The following FMN1 variants were observed in gnomAD, a reference collection of about 807,000 sequenced individuals.
FMN1 encodes formin-1.
A neutral mutation model predicts 132.4 loss-of-function variants in FMN1; 110 were observed. The ratio of observed to expected loss-of-function variants is 0.83; its 90% CI spans 0.71 to 0.97. The LOEUF (loss-of-function observed/expected upper bound fraction) is 0.97. FMN1 is among the 50% of genes least tolerant of loss of function. FMN1 has a pLI of 0.00. For synonymous variants in FMN1, 722 were observed against 651.7 expected, an observed-to-expected ratio of 1.11 and a Z score of -1.64; for missense variants, 1,792 against 1,705.3, an observed-to-expected ratio of 1.05 and a Z score of -0.90.
At chr15:33,064,691 C>G (rs1329198541) in intron 6 of FMN1, 1 of 254,130 alleles carries the variant, frequency 3.9e-6, no homozygotes, top group Admixed American at 5.5e-5. Context: ...TGCAATCTAC[C>G]TTCTCCATCA....
chr15:33,159,136 T>C (rs1232134696), intron 3 of FMN1, among the ~76,000 whole-genome samples: 1 of 152,202 alleles, frequency 6.6e-6, no homozygotes, highest in Non-Finnish European at 1.5e-5. Flanking sequence ...GAGCCGAGAT[T>C]GTGCCACTGC....
At chr15:32,781,414 A>G (rs727945) in intron 19 of FMN1, among the ~76,000 whole-genome samples, 22,493 of 152,220 alleles carry the variant, frequency 0.15, 1,761 homozygotes, top group Middle Eastern at 0.21. Flanking sequence ...GTTAGTTACA[A>G]TGAATTCAAC....
chr15:32,894,095 T>G (rs970892366), intron 15 of FMN1, among the ~76,000 whole-genome samples: 9 of 152,208 alleles, frequency 5.9e-5, no homozygotes, highest in African/African-American at 1.4e-4. Flanking sequence ...TCCTCATATC[T>G]AGTTCTTTAC....
At chr15:32,984,343 C>T (rs2032914633) in intron 7 of FMN1, among the ~76,000 whole-genome samples, 2 of 152,250 alleles carry the variant, frequency 1.3e-5, no homozygotes, top group East Asian at 3.9e-4. Context: ...AACAGATAGT[C>T]TGTCCCACAG....
chr15:33,091,203 G>C (rs901156909), intron 4 of FMN1, among the ~76,000 whole-genome samples: 3 of 152,200 alleles, frequency 2.0e-5, no homozygotes, highest in South Asian at 2.1e-4. Flanking sequence ...TGTCTGGTGA[G>C]TGTAAGTTCA....
chr15:32,925,861 G>A (rs2060946348), intron 10 of FMN1, among the ~76,000 whole-genome samples: 1 of 152,146 alleles, frequency 6.6e-6, no homozygotes, highest in Admixed American at 6.5e-5. Context: ...AGGAGTTTGA[G>A]ACCAGCCTGG....
intron 6 of FMN1, among the ~76,000 whole-genome samples, chr15:33,056,452 GA>G (rs1368524677): frequency 6.6e-6 from 1 of 152,222 alleles, no homozygotes; most frequent in African/African-American, 2.4e-5. Flanking sequence ...GTGAGGTACA[GA>G]AACAGCCAGA....
intron 9 of FMN1, among the ~76,000 whole-genome samples, chr15:32,943,595 A>C (rs1251193215): frequency 6.6e-6 from 1 of 152,186 alleles, no homozygotes; most frequent in Non-Finnish European, 1.5e-5. Flanking sequence ...AGTGGGTTGG[A>C]AGACACGTAG....
intron 16 of FMN1, among the ~76,000 whole-genome samples, chr15:32,866,983 C>G (rs920981512): frequency 1.6e-4 from 24 of 152,198 alleles, no homozygotes; most frequent in Non-Finnish European, 2.6e-4. Flanking sequence ...TGCTCCTCCT[C>G]CCATGCTATG....
intron 4 of FMN1, among the ~76,000 whole-genome samples, chr15:33,127,297 G>A (rs904726878): frequency 2.0e-5 from 3 of 152,116 alleles, no homozygotes; most frequent in African/African-American, 7.2e-5. Flanking sequence ...CGTCAAATAA[G>A]TAACGTCATG....
chr15:33,122,271 G>A (rs2140179511), intron 4 of FMN1, among the ~76,000 whole-genome samples: 1 of 152,284 alleles, frequency 6.6e-6, no homozygotes, highest in South Asian at 2.1e-4. Flanking sequence ...CCAATTTTGT[G>A]TTTCTACTCC....
At chr15:32,815,115 T>C (rs1477267243) in intron 17 of FMN1, among the ~76,000 whole-genome samples, 2 of 152,068 alleles carry the variant, frequency 1.3e-5, no homozygotes, top group Admixed American at 6.5e-5. Flanking sequence ...GCTAATTTTT[T>C]GTATTTTTAG....
At chr15:33,031,920 C>T (rs1410968713) in intron 6 of FMN1, among the ~76,000 whole-genome samples, 1 of 152,202 alleles carries the variant, frequency 6.6e-6, no homozygotes, top group African/African-American at 2.4e-5. Context: ...TTTTTGTCTA[C>T]TTGTTTCCAA....
At chr15:32,861,822 C>T (rs1332344591) in intron 16 of FMN1, among the ~76,000 whole-genome samples, 1 of 152,130 alleles carries the variant, frequency 6.6e-6, no homozygotes, top group Non-Finnish European at 1.5e-5. Flanking sequence ...AGAATGCAGG[C>T]GAAGTCTTGG....
At chr15:33,114,663 G>A (rs72721481) in intron 4 of FMN1, among the ~76,000 whole-genome samples, 1 of 152,168 alleles carries the variant, frequency 6.6e-6, no homozygotes. Flanking sequence ...TTCTTTTGGA[G>A]AGAGCCTGTG....
intron 4 of FMN1, among the ~76,000 whole-genome samples, chr15:33,122,835 T>C (rs577970214): frequency 6.6e-6 from 1 of 152,302 alleles, no homozygotes; most frequent in Non-Finnish European, 1.5e-5. Flanking sequence ...ATTTCTTATA[T>C]ATAGGAATAG....
chr15:33,009,952 T>A (rs1231523850), intron 6 of FMN1, among the ~76,000 whole-genome samples: 1 of 152,206 alleles, frequency 6.6e-6, no homozygotes, highest in Non-Finnish European at 1.5e-5. Context: ...AATGGCACGA[T>A]CTTGGCTCAC....
At chr15:32,850,783 A>G (rs1567270051) in intron 17 of FMN1, among the ~76,000 whole-genome samples, 1 of 152,216 alleles carries the variant, frequency 6.6e-6, no homozygotes, top group Non-Finnish European at 1.5e-5. Context: ...TAAACCTGGT[A>G]AATTTATCTA....
intron 17 of FMN1, among the ~76,000 whole-genome samples, chr15:32,842,145 T>C (rs991761167): frequency 4.6e-5 from 7 of 152,210 alleles, no homozygotes; most frequent in African/African-American, 1.7e-4. Flanking sequence ...TTTGAGAGGA[T>C]AGGAAATTTC....
Sources: allele counts gnomAD v4.1 joint callset (sites outside exome capture counted in the v4.1 genomes callset), GRCh38; gene constraint gnomAD v4.1.1; transcripts MANE v1.5; gene names NCBI Gene and HGNC (gene_info 2026-07-23, HGNC 2026-07-21).